Variants in TPTE2 observed in about 807,000 individuals in gnomAD.
TPTE2 encodes phosphatidylinositol 3,4,5-trisphosphate 3-phosphatase TPTE2.
TPTE2 carries 53 observed loss-of-function variants against 78.6 expected under a neutral mutation model. The observed-to-expected ratio is 0.67, with a 90% CI of 0.54 to 0.85. The LOEUF (loss-of-function observed/expected upper bound fraction) is 0.85, where lower values mean the gene tolerates loss of function less well. Among genes scored for constraint, TPTE2 ranks in the 40% least tolerant of loss-of-function variants. The pLI is 0.00. For synonymous variants in TPTE2, 175 were observed against 206.2 expected (o/e 0.85, Z 1.30); for missense variants, 461 against 623.0 (o/e 0.74, Z 2.77).
rs538947722 is a variant in TPTE2, at chr13:19,502,802, AAAAAAT to A, written c.11+416_11+421del. Among the ~76,000 whole-genome samples, 750 of 152,066 alleles carry A rather than the reference AAAAAAT, an allele frequency of 4.9e-3. 2 individuals carry two copies. Among genetic ancestry groups the A allele is most frequent in the African/African-American group, 0.017 (716 of 41,454 alleles). On this transcript the variant is annotated intron_variant, in intron 1 of 19. Coordinates refer to ENST00000400230, the Ensembl canonical transcript of TPTE2. ...ACCCTAAAACTTAAAGTATAATTTT[AAAAAAT>A]AAAAATAAAAATAAAAATAAATCTC... is the stretch of plus-strand genomic sequence containing the variant.
chr13:19,436,353 C>G (rs1052668833), intron 14 of TPTE2, 47 bp from the exon 18 acceptor site: 1 of 1,531,262 alleles, frequency 6.5e-7, no homozygotes, highest in Non-Finnish European at 9.0e-7. Flanking sequence ...GCACTCTTTC[C>G]TTTCCTATAT....
At chr13:19,467,894 CT>C (rs1276484444) in intron 6 of TPTE2, among the ~76,000 whole-genome samples, 6,272 of 111,806 alleles carry the variant, frequency 0.056, 369 homozygotes, top group African/African-American at 0.16. Flanking sequence ...AATTCAATTG[CT>C]TTTTTTTTTT....
intron 1 of TPTE2, among the ~76,000 whole-genome samples, chr13:19,533,590 A>G (rs1004972871): frequency 7.2e-5 from 11 of 152,170 alleles, no homozygotes; most frequent in Admixed American, 5.9e-4. Context: ...GTGGAAAGAG[A>G]CGGATACTAT....
At chr13:19,470,887 T>TTTTTTTTA (rs1555251966) in intron 6 of TPTE2, among the ~76,000 whole-genome samples, 1 of 139,554 alleles carries the variant, frequency 7.2e-6, no homozygotes, top group African/African-American at 2.6e-5. Flanking sequence ...GATCTTTTTA[T>TTTTTTTTA]TTTATTTATT....
rs573479453 is a variant in TPTE2 at position 19,510,569 on chromosome 13, G to A, written c.-43-7292C>T. On this transcript the variant is annotated intron_variant, in intron 1 of 17. Coordinates refer to the TPTE2 transcript ENST00000390680. ...CATTAGGCCCCACCTCCAACATTGG[G>A]GATCAAATTTCAACATGCGGTTTGG... Among the ~76,000 whole-genome samples the A allele has an allele frequency of 4.6e-5, 7 of 152,096 alleles. No homozygotes were observed. In the South Asian group the frequency reaches 1.5e-3, roughly 32 times the overall value.
At chr13:19,514,109 AAGC>A (rs1869635410) in intron 1 of TPTE2, among the ~76,000 whole-genome samples, 2 of 152,130 alleles carry the variant, frequency 1.3e-5, no homozygotes, top group South Asian at 4.2e-4. Context: ...TTCTTTCTCC[AAGC>A]AGGATTCTCT....
At chr13:19,527,296 G>A (rs755837480) in intron 1 of TPTE2, among the ~76,000 whole-genome samples, 1 of 152,152 alleles carries the variant, frequency 6.6e-6, no homozygotes, top group Non-Finnish European at 1.5e-5. Flanking sequence ...TTTCAAAATA[G>A]CTCTAAAAGA....
intron 19 of TPTE2, among the ~76,000 whole-genome samples, chr13:19,424,640 C>A (rs1310398010): frequency 1.3e-5 from 2 of 152,168 alleles, no homozygotes; most frequent in Non-Finnish European, 1.5e-5. Context: ...AGGTGCTGAG[C>A]AGACTCATAT....
At position 19,524,153 on chromosome 13, in the gene TPTE2, T is replaced by A. The variant is rs149767558; in HGVS notation, c.-44+12443A>T. Reference sequence around the variant, plus strand: ...ATTTAAACCTGACAAAGTAGGGAACTGAGTCTGAGACCTCCATATAAATCC... The same window carrying A: ...ATTTAAACCTGACAAAGTAGGGAACAGAGTCTGAGACCTCCATATAAATCC... On this transcript the variant is annotated intron_variant, in intron 1 of 17. Coordinates refer to the TPTE2 transcript ENST00000390680. Among the ~76,000 whole-genome samples, 1,022 of 152,280 alleles carry A rather than the reference T, an allele frequency of 6.7e-3. 9 individuals carry two copies. Among genetic ancestry groups the A allele is most frequent in the African/African-American group, 0.022 (905 of 41,546 alleles).
At chr13:19,438,069 A>T (rs749222237) in intron 14 of TPTE2, 23 bp downstream of exon 17, 1 of 1,600,686 alleles carries the variant, frequency 6.2e-7, no homozygotes, top group East Asian at 2.3e-5. Flanking sequence ...CATAAGAGAA[A>T]GTTTGTAGAA....
chr13:19,497,310 G>C (rs879374978), intron 1 of TPTE2, among the ~76,000 whole-genome samples: 1 of 140,420 alleles, frequency 7.1e-6, no homozygotes, highest in Non-Finnish European at 1.6e-5. Context: ...AGCTCAAGGA[G>C]GCCTGCCTGC....
At chr13:19,529,629 C>T (rs1307842147) in intron 1 of TPTE2, among the ~76,000 whole-genome samples, 1 of 152,140 alleles carries the variant, frequency 6.6e-6, no homozygotes, top group Non-Finnish European at 1.5e-5. Context: ...TGACTCCCTT[C>T]CCCTACTTTC....
chr13:19,518,677 A>C (rs1212833576), intron 1 of TPTE2, among the ~76,000 whole-genome samples: 1 of 152,208 alleles, frequency 6.6e-6, no homozygotes, highest in Non-Finnish European at 1.5e-5. Flanking sequence ...ACTTTGGAAA[A>C]CAGTTTGACA....
the TPTE2 span, among the ~76,000 whole-genome samples, chr13:19,546,651 G>A: frequency 2.8e-3 from 426 of 151,462 alleles, 1 homozygote; most frequent in Non-Finnish European, 4.6e-3. Context: ...CACCACATCC[G>A]GCCAATTTTT....
At chr13:19,549,630 G>A in the TPTE2 span, among the ~76,000 whole-genome samples, 1 of 90,710 alleles carries the variant, frequency 1.1e-5, no homozygotes, top group Non-Finnish European at 2.9e-5. Flanking sequence ...ACTACCATTC[G>A]ACCCAGCAAC....
chr13:19,463,825 C>T (rs945367788), intron 10 of TPTE2, among the ~76,000 whole-genome samples: 1 of 152,060 alleles, frequency 6.6e-6, no homozygotes, highest in Admixed American at 6.6e-5. Context: ...TATGGCTTTT[C>T]TTGGTATGAG....
rs186193608 is a variant in TPTE2, at chr13:19,523,507, G to A, written c.-44+13089C>T. On this transcript the variant is annotated intron_variant, in intron 1 of 17. Transcript: ENST00000390680. ...ATTTATTTTTTTGAAACAGAGTCTCGCTCTGTTGCCCATGCTGGAGTGCAG... is the reference window on the plus strand; with the variant it reads ...ATTTATTTTTTTGAAACAGAGTCTCACTCTGTTGCCCATGCTGGAGTGCAG... Among the ~76,000 whole-genome samples the A allele has an allele frequency of 2.3e-3, 347 of 151,842 alleles. 2 individuals carry two copies. The highest frequency in any genetic ancestry group is 4.0e-3 in the Non-Finnish European group (270 of 67,942).
chr13:19,496,129 G>C (rs1161372871), intron 1 of TPTE2, among the ~76,000 whole-genome samples: 1 of 152,172 alleles, frequency 6.6e-6, no homozygotes, highest in Non-Finnish European at 1.5e-5. Context: ...GCCTCCCAAA[G>C]TGCTGGGACT....
chr13:19,561,481 G>T, the TPTE2 span, among the ~76,000 whole-genome samples: 1 of 152,010 alleles, frequency 6.6e-6, no homozygotes, highest in African/African-American at 2.4e-5. Context: ...AAGCCCCGAC[G>T]CCCGCGGGAG....
Sources: allele counts gnomAD v4.1 joint callset (sites outside exome capture counted in the v4.1 genomes callset), GRCh38; gene constraint gnomAD v4.1.1; transcripts MANE v1.5; gene names NCBI Gene and HGNC (gene_info 2026-07-23, HGNC 2026-07-21).